SRGAP2C: variants seen among roughly 807,000 people sequenced by gnomAD.
The protein encoded by SRGAP2C is SLIT-ROBO Rho GTPase-activating protein 2C.
In SRGAP2C, 15 loss-of-function variants were observed where a neutral mutation model predicts 25.1. That is an observed-to-expected ratio of 0.60 (90% CI 0.40 to 0.92). The LOEUF (loss-of-function observed/expected upper bound fraction) is 0.92, where lower values mean the gene tolerates loss of function less well. Ranked by LOEUF, SRGAP2C falls within the 40% of genes least tolerant of loss-of-function variation. The probability of loss-of-function intolerance (pLI) is 0.00; values close to 1 mark genes in which losing one functional copy is unlikely to be tolerated. For missense variants in SRGAP2C, 144 were observed against 264.4 expected, an observed-to-expected ratio of 0.54 and a Z score of 3.16; for synonymous variants, 44 against 96.6, an observed-to-expected ratio of 0.46 and a Z score of 3.19.
At chr1:121,315,200 C>CA (rs2101601229) in intron 3 of SRGAP2C, 1 of 409,398 alleles carries the variant, frequency 2.4e-6, no homozygotes, top group South Asian at 2.6e-5. Flanking sequence ...TGGTCATTTA[C>CA]AGGCACAATC....
rs1297999446 is a variant in SRGAP2C, at chr1:121,392,314, C to T, written c.*4459C>T. ...CTTCCCCCTCCTCCTTTTTACTTTT[C>T]TTCCTCTTCCTTTCTCTTCTTCTTT... On this transcript the variant is annotated 3_prime_UTR_variant, in exon 10 of 10. Coordinates refer to ENST00000367123, the MANE Select transcript of SRGAP2C (RefSeq NM_001329984.2). 1 of 152,162 alleles carries T rather than the reference C, an allele frequency of 6.6e-6. No homozygotes were observed. Among genetic ancestry groups the T allele is most frequent in the East Asian group, 1.9e-4 (1 of 5,170 alleles). 9.4% of individuals were successfully genotyped at this position (152,162 alleles called of 1,614,324 possible).
At chr1:121,304,926 T>A (rs1657793621) in intron 3 of SRGAP2C, among the ~76,000 whole-genome samples, 1 of 152,046 alleles carries the variant, frequency 6.6e-6, no homozygotes, top group African/African-American at 2.4e-5. Context: ...CCAAACCTTT[T>A]CTCTTGACTA....
At chr1:121,282,351 C>CT (rs1342047739) in intron 2 of SRGAP2C, among the ~76,000 whole-genome samples, 8 of 145,640 alleles carry the variant, frequency 5.5e-5, no homozygotes, top group Admixed American at 2.8e-4. Context: ...CTTGTCCTCT[C>CT]TTTTTTTGGC....
In SRGAP2C at chr1:121,295,741, T is replaced by C. The variant is rs1174874132; in HGVS notation, c.260+10746T>C. 4.0e-5 allele frequency among the ~76,000 whole-genome samples: 6 copies of C among 150,738 alleles called. 1 individual carries two copies. The East Asian group carries it at 9.7e-4, about 24-fold the overall frequency. The stretch of plus-strand genomic sequence containing the variant: ...GAGAGGGGCTTTTTTGTTTTTGTTG[T>C]TGTTGTTGTTGTTGTTGTTGTTGTT... On this transcript the variant is annotated intron_variant, in intron 3 of 9. Transcript: ENST00000367123.
intron 4 of SRGAP2C, among the ~76,000 whole-genome samples, chr1:121,363,964 G>C (rs1333663689): frequency 2.0e-5 from 3 of 151,498 alleles, no homozygotes; most frequent in African/African-American, 7.3e-5. Context: ...CATTACTTTT[G>C]TAATCAGAAA....
intron 4 of SRGAP2C, among the ~76,000 whole-genome samples, chr1:121,356,676 A>G (rs1318858326): frequency 6.6e-6 from 1 of 151,632 alleles, no homozygotes; most frequent in Non-Finnish European, 1.5e-5. Context: ...CATCTTCAGA[A>G]TGACCTCAAG....
chr1:121,385,973 C>G (rs1553356296), intron 8 of SRGAP2C, among the ~76,000 whole-genome samples: 1 of 148,742 alleles, frequency 6.7e-6, no homozygotes, highest in African/African-American at 2.5e-5. Context: ...CTCTCGGGCC[C>G]TCTAGCATAG....
At chr1:121,306,744 A>G (rs1553339482) in intron 3 of SRGAP2C, among the ~76,000 whole-genome samples, 50 of 152,084 alleles carry the variant, frequency 3.3e-4, no homozygotes, top group African/African-American at 1.2e-3. Flanking sequence ...AAAGAAAAAA[A>G]CGATTCTCAA....
chr1:121,295,871 C>T (rs2101580194), intron 3 of SRGAP2C, among the ~76,000 whole-genome samples: 1 of 152,200 alleles, frequency 6.6e-6, no homozygotes, highest in South Asian at 2.1e-4. Context: ...AAGCTATTCT[C>T]CTGCCTCAGC....
At chr1:121,271,077 G>A (rs1200500602) in intron 2 of SRGAP2C, among the ~76,000 whole-genome samples, 18 of 151,360 alleles carry the variant, frequency 1.2e-4, no homozygotes, top group Non-Finnish European at 2.1e-4. Context: ...GATTATAGGC[G>A]TGAGCCACCG....
chr1:121,372,736 T>C lies in SRGAP2C; in HGVS notation c.487-1235T>C, dbSNP rs1301063348. ...AGCCTTATTTCCTTATCTTTAGAAATAGAAATAATAACAGTGTCTTTCACA... is the reference window on the plus strand; with the variant it reads ...AGCCTTATTTCCTTATCTTTAGAAACAGAAATAATAACAGTGTCTTTCACA... On this transcript the variant is annotated intron_variant, in intron 5 of 9. Transcript: ENST00000367123. Among the ~76,000 whole-genome samples, 123 of 67,872 alleles carry C rather than the reference T, an allele frequency of 1.8e-3. 13 individuals carry two copies. Among genetic ancestry groups the C allele is most frequent in the Non-Finnish European group, 2.6e-3 (93 of 36,338 alleles). The allele number at this position is 67,872 out of a possible 152,430, so 44.5% of individuals were successfully genotyped here.
At chr1:121,335,373 A>G (rs1658489799) in intron 4 of SRGAP2C, among the ~76,000 whole-genome samples, 2 of 143,270 alleles carry the variant, frequency 1.4e-5, no homozygotes, top group Non-Finnish European at 3.0e-5. Context: ...TAAATAAATA[A>G]ATAAATAAAT....
At chr1:121,212,089 A>C (rs1655271941) in intron 2 of SRGAP2C, among the ~76,000 whole-genome samples, 1 of 125,174 alleles carries the variant, frequency 8.0e-6, no homozygotes, top group Admixed American at 8.3e-5. Flanking sequence ...AGTTATTAAC[A>C]AGACCGAGGA....
chr1:121,237,353 C>G (rs1251297771), intron 2 of SRGAP2C, among the ~76,000 whole-genome samples: 1 of 151,912 alleles, frequency 6.6e-6, no homozygotes, highest in Non-Finnish European at 1.5e-5. Context: ...AATCCCGGAT[C>G]TAGCTGTGCT....
chr1:121,199,620 G>A lies in SRGAP2C; in HGVS notation c.67+12107G>A, dbSNP rs1197877165. On this transcript the variant is annotated intron_variant, in intron 2 of 9. Transcript: ENST00000367123. ...AGCCTGGCCAACATGGTGAAACCCC[G>A]TCTCTATTAAAAATACAAAAATTAG... Among the ~76,000 whole-genome samples the A allele has an allele frequency of 1.7e-4, 14 of 80,432 alleles. 2 individuals are homozygous for A. The highest frequency in any genetic ancestry group is 7.1e-4 in the African/African-American group (12 of 16,842). The allele number at this position is 80,432 out of a possible 152,430, so 52.8% of individuals were successfully genotyped here.
intron 3 of SRGAP2C, among the ~76,000 whole-genome samples, chr1:121,302,403 G>T (rs1410864171): frequency 6.6e-6 from 1 of 150,684 alleles, no homozygotes; most frequent in Non-Finnish European, 1.5e-5. Flanking sequence ...TATCCAGATT[G>T]CCCCAAAATG....
At chr1:121,278,228 T>C (rs1205704703) in intron 2 of SRGAP2C, among the ~76,000 whole-genome samples, 8,161 of 151,834 alleles carry the variant, frequency 0.054, 681 homozygotes, top group African/African-American at 0.19. Flanking sequence ...ATTACAGGGG[T>C]GAGCCACTGT....
At chr1:121,204,235 A>C (rs1413940994) in intron 2 of SRGAP2C, among the ~76,000 whole-genome samples, 1 of 151,810 alleles carries the variant, frequency 6.6e-6, no homozygotes, top group Non-Finnish European at 1.5e-5. Context: ...TTTGCATCTT[A>C]CTAGGGAAGA....
rs1553352749 is a variant in SRGAP2C at position 121,374,959 on chromosome 1, G to A, written c.831+5G>A. ...GACCTATCTGACCTTATTGATGTAA[G>A]TGCTTAAAGCCAAGGGCCTGAGGGC... On this transcript the variant is annotated splice_donor_5th_base_variant and intron_variant, in intron 7 of 9. Transcript: ENST00000367123. 4 of 776,836 alleles carry A rather than the reference G, an allele frequency of 5.1e-6. No homozygotes were observed. In the South Asian group the frequency reaches 5.4e-5, roughly 11 times the overall value. 48.1% of individuals were successfully genotyped at this position (776,836 alleles called of 1,614,324 possible).
Sources: allele counts gnomAD v4.1 joint callset (sites outside exome capture counted in the v4.1 genomes callset), GRCh38; gene constraint gnomAD v4.1.1; transcripts MANE v1.5; gene names NCBI Gene and HGNC (gene_info 2026-07-23, HGNC 2026-07-21).